FGF12: variants seen among roughly 807,000 people sequenced by gnomAD.
The protein encoded by FGF12 is fibroblast growth factor 12B.
A neutral mutation model predicts 23.6 loss-of-function variants in FGF12; 14 were observed. The observed-to-expected ratio is 0.59, with a 90% CI of 0.39 to 0.93. FGF12 has a LOEUF of 0.93. Among genes scored for constraint, FGF12 ranks in the 40% least tolerant of loss-of-function variants. The pLI, the probability that FGF12 is intolerant of heterozygous loss-of-function variation, is 0.00. For synonymous variants in FGF12, 62 were observed against 77.3 expected, an observed-to-expected ratio of 0.80 and a Z score of 1.04; for missense variants, 175 against 217.8, an observed-to-expected ratio of 0.80 and a Z score of 1.24.
intron 2 of FGF12, among the ~76,000 whole-genome samples, chr3:192,646,460 T>C (rs1716010075): frequency 6.6e-6 from 1 of 152,070 alleles, no homozygotes; most frequent in African/African-American, 2.4e-5. Flanking sequence ...CAAAACACTT[T>C]GATGAAACTA....
intron 4 of FGF12, among the ~76,000 whole-genome samples, chr3:192,224,591 ACTTATT>A (rs1245966476): frequency 4.6e-5 from 7 of 152,168 alleles, no homozygotes; most frequent in African/African-American, 1.7e-4. Context: ...TTCTTCCTCA[ACTTATT>A]CTTAAATTTC....
intron 2 of FGF12, among the ~76,000 whole-genome samples, chr3:192,385,322 A>C (rs1222554745): frequency 6.6e-6 from 1 of 152,080 alleles, no homozygotes; most frequent in African/African-American, 2.4e-5. Context: ...CACAGCACAC[A>C]CTTTTAAGGT....
At chr3:192,675,183 C>T (rs1330995933) in intron 2 of FGF12, among the ~76,000 whole-genome samples, 1 of 152,038 alleles carries the variant, frequency 6.6e-6, no homozygotes, top group Admixed American at 6.6e-5. Context: ...CTGGCTAGAC[C>T]TGGATGGTCC....
At chr3:192,646,561 C>G (rs536298817) in intron 2 of FGF12, among the ~76,000 whole-genome samples, 56 of 152,252 alleles carry the variant, frequency 3.7e-4, no homozygotes, top group African/African-American at 1.3e-3. Context: ...CTGATATGTA[C>G]TGCAAGAATG....
At position 192,714,590 on chromosome 3, in the gene FGF12, C is replaced by T. The variant is rs528019079; in HGVS notation, c.13+12591G>A. 1.9e-4 allele frequency among the ~76,000 whole-genome samples: 27 copies of T among 142,134 alleles called. No homozygotes were observed. In the East Asian group the frequency reaches 5.5e-3, roughly 29 times the overall value. 93.2% of individuals were successfully genotyped at this position (142,134 alleles called of 152,430 possible). On this transcript the variant is annotated intron_variant, in intron 2 of 5. Transcript: ENST00000445105. Reference sequence around the variant, plus strand: ...CTGGAGTGCAGCGGCGCAATCTCGGCTCACTGCAAGCTCCGCCTCCCGGGT... The same window carrying T: ...CTGGAGTGCAGCGGCGCAATCTCGGTTCACTGCAAGCTCCGCCTCCCGGGT...
intron 2 of FGF12, among the ~76,000 whole-genome samples, chr3:192,686,249 A>C (rs2108713738): frequency 6.6e-6 from 1 of 152,334 alleles, no homozygotes; most frequent in South Asian, 2.1e-4. Context: ...CTGGCTTAAA[A>C]TGAAAGGAGA....
chr3:192,616,546 A>C (rs1020904161), intron 2 of FGF12, among the ~76,000 whole-genome samples: 9 of 152,140 alleles, frequency 5.9e-5, no homozygotes, highest in Non-Finnish European at 1.3e-4. Flanking sequence ...TGTTGTTTGA[A>C]GAGTTCTCAG....
chr3:192,683,644 TA>T (rs1174357446), intron 2 of FGF12, among the ~76,000 whole-genome samples: 1 of 152,198 alleles, frequency 6.6e-6, no homozygotes, highest in Non-Finnish European at 1.5e-5. Context: ...AATTTTTTTC[TA>T]GGGGGCAGCC....
intron 2 of FGF12, among the ~76,000 whole-genome samples, chr3:192,667,117 C>T (rs1170759073): frequency 6.6e-6 from 1 of 152,174 alleles, no homozygotes; most frequent in Non-Finnish European, 1.5e-5. Context: ...GTGTATAATG[C>T]ACTCTGCTAA....
intron 2 of FGF12, among the ~76,000 whole-genome samples, chr3:192,550,449 C>A (rs1428599652): frequency 6.7e-6 from 1 of 149,752 alleles, no homozygotes; most frequent in Non-Finnish European, 1.5e-5. Flanking sequence ...TTATATATTA[C>A]ACAGATATAA....
At chr3:192,150,669 A>G (rs1465212776) in intron 5 of FGF12, among the ~76,000 whole-genome samples, 2 of 149,716 alleles carry the variant, frequency 1.3e-5, no homozygotes, top group African/African-American at 4.9e-5. Flanking sequence ...TGTTCCATTG[A>G]TCTATATCTC....
intron 2 of FGF12, among the ~76,000 whole-genome samples, chr3:192,438,267 G>A (rs1412113305): frequency 6.6e-6 from 1 of 152,132 alleles, no homozygotes; most frequent in Non-Finnish European, 1.5e-5. Context: ...ACTTTACAAC[G>A]ATAGCTCATG....
chr3:192,190,634 C>G (rs1355333873), intron 4 of FGF12, among the ~76,000 whole-genome samples: 1 of 151,832 alleles, frequency 6.6e-6, no homozygotes, highest in Non-Finnish European at 1.5e-5. Flanking sequence ...CGCCACCGCG[C>G]CCGGCTAATT....
chr3:192,352,682 T>G (rs1461089686), intron 3 of FGF12, among the ~76,000 whole-genome samples: 1 of 152,208 alleles, frequency 6.6e-6, no homozygotes, highest in Non-Finnish European at 1.5e-5. Flanking sequence ...TATTAAGAAT[T>G]ACTGTGTTCT....
intron 2 of FGF12, among the ~76,000 whole-genome samples, chr3:192,571,306 GC>G (rs1712623447): frequency 6.6e-6 from 1 of 152,106 alleles, no homozygotes. Flanking sequence ...TGTGAAATCT[GC>G]CCCCTAAAAA....
At chr3:192,288,661 T>A (rs969961708) in intron 4 of FGF12, among the ~76,000 whole-genome samples, 13 of 152,126 alleles carry the variant, frequency 8.5e-5, no homozygotes, top group Non-Finnish European at 1.9e-4. Context: ...CAATGATAAA[T>A]GTACTTAAGC....
At chr3:192,657,704 G>T (rs1716490782) in intron 2 of FGF12, among the ~76,000 whole-genome samples, 1 of 152,096 alleles carries the variant, frequency 6.6e-6, no homozygotes, top group South Asian at 2.1e-4. Context: ...TCCTACATTT[G>T]GCTATAGTAT....
intron 2 of FGF12, among the ~76,000 whole-genome samples, chr3:192,475,844 C>T (rs1281871428): frequency 6.6e-6 from 1 of 152,008 alleles, no homozygotes; most frequent in Non-Finnish European, 1.5e-5. Context: ...TCCAGAAGTC[C>T]ACCACTTGAA....
chr3:192,444,540 G>GA (rs1207900429), intron 2 of FGF12, among the ~76,000 whole-genome samples: 1 of 152,022 alleles, frequency 6.6e-6, no homozygotes, highest in African/African-American at 2.4e-5. Flanking sequence ...AACCAGTGGG[G>GA]AAAAAAGCAG....
Sources: allele counts gnomAD v4.1 joint callset (sites outside exome capture counted in the v4.1 genomes callset), GRCh38; gene constraint gnomAD v4.1.1; transcripts MANE v1.5; gene names NCBI Gene and HGNC (gene_info 2026-07-23, HGNC 2026-07-21).